Variants in DNAJC1 observed in about 807,000 individuals in gnomAD.
DNAJC1 encodes the protein dnaJ homolog subfamily C member 1.
In DNAJC1, 58 loss-of-function variants were observed where a neutral mutation model predicts 76.6. That is an observed-to-expected ratio of 0.76 (90% confidence interval 0.61 to 0.94). The LOEUF (loss-of-function observed/expected upper bound fraction) is 0.94. DNAJC1 is among the 40% of genes least tolerant of loss of function. The pLI, the probability that DNAJC1 is intolerant of heterozygous loss-of-function variation, is 0.00. For synonymous variants in DNAJC1, 258 were observed against 267.9 expected, an observed-to-expected ratio of 0.96 and a Z score of 0.36; for missense variants, 689 against 677.3, an observed-to-expected ratio of 1.02 and a Z score of -0.19.
intron 6 of DNAJC1, among the ~76,000 whole-genome samples, chr10:21,908,899 T>A (rs921871230): frequency 6.6e-6 from 1 of 151,926 alleles, no homozygotes; most frequent in African/African-American, 2.4e-5. Context: ...TTTTTTTTTT[T>A]CCCCAAGACA....
chr10:21,838,566 G>T (rs1835512171), intron 8 of DNAJC1, among the ~76,000 whole-genome samples: 1 of 151,952 alleles, frequency 6.6e-6, no homozygotes, highest in South Asian at 2.1e-4. Flanking sequence ...CTCCACTATT[G>T]TCCTATGACC....
intron 1 of DNAJC1, among the ~76,000 whole-genome samples, chr10:21,998,882 A>G (rs1779113679): frequency 6.6e-6 from 1 of 152,226 alleles, no homozygotes; most frequent in Non-Finnish European, 1.5e-5. Flanking sequence ...GATTCAATAA[A>G]TATTTAGGTG....
intron 8 of DNAJC1, among the ~76,000 whole-genome samples, chr10:21,822,972 G>A (rs181253994): frequency 3.3e-5 from 5 of 151,624 alleles, no homozygotes; most frequent in South Asian, 2.1e-4. Flanking sequence ...AAACTACCAC[G>A]GTCGGTAGTT....
chr10:21,884,646 A>G (rs1836340479), intron 7 of DNAJC1, among the ~76,000 whole-genome samples: 1 of 152,204 alleles, frequency 6.6e-6, no homozygotes, highest in Non-Finnish European at 1.5e-5. Flanking sequence ...GAAACTATTA[A>G]CACAGTAAAC....
At chr10:21,866,216 TCTAAA>T (rs1249863647) in intron 8 of DNAJC1, among the ~76,000 whole-genome samples, 1 of 147,576 alleles carries the variant, frequency 6.8e-6, no homozygotes, top group Non-Finnish European at 1.5e-5. Flanking sequence ...ATATGACAGA[TCTAAA>T]GTAGTTTTAT....
At chr10:21,876,976 T>C (rs1428328225) in intron 8 of DNAJC1, among the ~76,000 whole-genome samples, 5 of 152,170 alleles carry the variant, frequency 3.3e-5, no homozygotes, top group Admixed American at 2.0e-4. Context: ...AATTTTGAGA[T>C]AGAAAAATAT....
chr10:21,819,116 G>C (rs1200556240), intron 8 of DNAJC1, among the ~76,000 whole-genome samples: 1 of 152,150 alleles, frequency 6.6e-6, no homozygotes, highest in Non-Finnish European at 1.5e-5. Context: ...TTTAAAAAAG[G>C]TTTGGGCCAG....
chr10:21,961,630 T>A (rs1024800059), intron 1 of DNAJC1, among the ~76,000 whole-genome samples: 1 of 152,166 alleles, frequency 6.6e-6, no homozygotes, highest in Non-Finnish European at 1.5e-5. Flanking sequence ...TTTGGAGTGA[T>A]GAGAAAATTT....
intron 1 of DNAJC1, among the ~76,000 whole-genome samples, chr10:21,957,347 T>A (rs1219908297): frequency 1.3e-5 from 2 of 152,226 alleles, no homozygotes; most frequent in African/African-American, 2.4e-5. Context: ...TTCATTGTCA[T>A]CTTAATTCTT....
intron 9 of DNAJC1, among the ~76,000 whole-genome samples, chr10:21,788,242 TG>T (rs1834636902): frequency 6.6e-6 from 1 of 152,226 alleles, no homozygotes. Context: ...AACTGTGCAC[TG>T]CCTCCGCTGG....
At chr10:21,890,281 T>G (rs1836439940) in intron 7 of DNAJC1, among the ~76,000 whole-genome samples, 1 of 151,610 alleles carries the variant, frequency 6.6e-6, no homozygotes. Context: ...GGTATGGTGG[T>G]GTGTGCCTGT....
chr10:21,826,247 AAAG>A (rs796462652), intron 8 of DNAJC1, among the ~76,000 whole-genome samples: 6 of 151,302 alleles, frequency 4.0e-5, no homozygotes, highest in Non-Finnish European at 5.9e-5. Context: ...CAAAAAAAAA[AAAG>A]AAGAAGAGGA....
chr10:21,951,784 C>T (rs1427480910), intron 1 of DNAJC1, among the ~76,000 whole-genome samples: 1 of 152,096 alleles, frequency 6.6e-6, no homozygotes, highest in African/African-American at 2.4e-5. Context: ...AGAAACAGGC[C>T]ATACTTTTAC....
At chr10:21,988,069 CTTA>C (rs1014156643) in intron 1 of DNAJC1, among the ~76,000 whole-genome samples, 2 of 152,102 alleles carry the variant, frequency 1.3e-5, no homozygotes, top group East Asian at 1.9e-4. Context: ...AAATACACTC[CTTA>C]TTATTAGAAT....
intron 1 of DNAJC1, among the ~76,000 whole-genome samples, chr10:21,959,832 T>G (rs1252233993): frequency 6.6e-6 from 1 of 151,888 alleles, no homozygotes; most frequent in East Asian, 1.9e-4. Context: ...GAAATCCATT[T>G]TATACAGATC....
intron 8 of DNAJC1, among the ~76,000 whole-genome samples, chr10:21,828,698 T>C (rs1835304510): frequency 6.6e-6 from 1 of 152,250 alleles, no homozygotes; most frequent in East Asian, 1.9e-4. Context: ...TCCATATTAC[T>C]TTAAAGCAAA....
chr10:21,840,166 G>A (rs1372875908), intron 8 of DNAJC1, among the ~76,000 whole-genome samples: 1 of 152,134 alleles, frequency 6.6e-6, no homozygotes, highest in African/African-American at 2.4e-5. Flanking sequence ...GCAAAAACTG[G>A]AAGCATTCCC....
chr10:21,976,464 C>T (rs1306791269), intron 1 of DNAJC1, among the ~76,000 whole-genome samples: 1 of 152,186 alleles, frequency 6.6e-6, no homozygotes, highest in Non-Finnish European at 1.5e-5. Context: ...CCTGAAAGTA[C>T]CAACATCATC....
At chr10:21,823,905 TAATAAAAA>T (rs1835199709) in intron 8 of DNAJC1, among the ~76,000 whole-genome samples, 1 of 152,064 alleles carries the variant, frequency 6.6e-6, no homozygotes, top group South Asian at 2.1e-4. Flanking sequence ...TTAATTTGAA[TAATAAAAA>T]AATAAAGTGC....
Sources: gnomAD v4.1 joint callset for allele counts (sites outside exome capture counted in the v4.1 genomes callset) on GRCh38, gnomAD v4.1.1 for gene constraint, MANE v1.5 for transcripts, NCBI Gene and HGNC (gene_info 2026-07-23, HGNC 2026-07-21) for gene names.